PCDH11Y: variants seen among roughly 807,000 people sequenced by gnomAD.
PCDH11Y encodes protocadherin 11 Y-linked, also known as protocadherin-11 Y-linked.
For missense variants in PCDH11Y, 12 were observed against 224.8 expected, an observed-to-expected ratio of 0.05 and a Z score of 6.05; for synonymous variants, 9 against 83.6, an observed-to-expected ratio of 0.11 and a Z score of 4.87.
At chrY:5,679,005 G>T (rs2053555871) in intron 4 of PCDH11Y, among the ~76,000 whole-genome samples, 1 of 32,432 alleles carries the variant, frequency 3.1e-5, no homozygotes. Context: ...TTCTCAGCAA[G>T]CCTTGCCATC....
chrY:5,403,851 G>C, intron 2 of PCDH11Y, among the ~76,000 whole-genome samples: 1 of 33,139 alleles, frequency 3.0e-5, no homozygotes, highest in South Asian at 6.5e-4. Flanking sequence ...TAAGGGCTGA[G>C]TACTATTGGG....
intron 4 of PCDH11Y, among the ~76,000 whole-genome samples, chrY:5,669,428 T>C (rs2053547440): frequency 9.6e-4 from 31 of 32,173 alleles, no homozygotes; most frequent in Admixed American, 2.9e-3. Context: ...TATTAATCCT[T>C]TGTGCCTGGT....
At chrY:5,223,376 G>A in intron 2 of PCDH11Y, among the ~76,000 whole-genome samples, 1 of 33,330 alleles carries the variant, frequency 3.0e-5, no homozygotes, top group African/African-American at 1.2e-4. Context: ...TCACTATGCC[G>A]AATACAGTAG....
rs2563650 is a variant in PCDH11Y, at chrY:5,031,786, G to A, written c.-133-120G>A. Reference sequence around the variant, plus strand: ...TTTAACCTTTTCTTGATTTGTAGCCGTTACAGCTAATTGGAGGATCCTGCC... The same window carrying A: ...TTTAACCTTTTCTTGATTTGTAGCCATTACAGCTAATTGGAGGATCCTGCC... On this transcript the variant is annotated intron_variant, in intron 1 of 5. Coordinates refer to the PCDH11Y transcript ENST00000333703. 2.3e-3 allele frequency: 78 copies of A among 33,219 alleles called. No individual in the cohort carries two copies. The Middle Eastern group carries it at 0.042, about 18-fold the overall frequency. The allele number at this position is 33,219 out of a possible 400,897, so 8.3% of individuals were successfully genotyped here.
chrY:5,505,433 A>G, intron 3 of PCDH11Y, among the ~76,000 whole-genome samples: 1 of 33,037 alleles, frequency 3.0e-5, no homozygotes, highest in Non-Finnish European at 7.6e-5. Flanking sequence ...TCTAGTGTCC[A>G]GCATTGAATC....
intron 1 of PCDH11Y, among the ~76,000 whole-genome samples, chrY:5,024,666 C>A (rs2052576102): frequency 6.1e-5 from 2 of 32,823 alleles, no homozygotes; most frequent in Non-Finnish European, 1.5e-4. Context: ...ATTGTGTCTG[C>A]AATTTAATAT....
At chrY:5,334,979 T>C in intron 2 of PCDH11Y, among the ~76,000 whole-genome samples, 1 of 30,147 alleles carries the variant, frequency 3.3e-5, no homozygotes, top group Non-Finnish European at 7.9e-5. Flanking sequence ...TCTACGCCTT[T>C]CTCCAAAGAT....
chrY:5,604,460 T>C, intron 4 of PCDH11Y, among the ~76,000 whole-genome samples: 2 of 32,504 alleles, frequency 6.2e-5, no homozygotes, highest in African/African-American at 2.4e-4. Flanking sequence ...AGAAGTGAAA[T>C]TGAGCAAGTA....
intron 2 of PCDH11Y, among the ~76,000 whole-genome samples, chrY:5,134,858 C>T: frequency 3.2e-5 from 1 of 31,351 alleles, no homozygotes; most frequent in Non-Finnish European, 7.7e-5. Context: ...CCCACAGGAA[C>T]ATACCAGGAA....
At chrY:5,562,697 C>T in intron 3 of PCDH11Y, among the ~76,000 whole-genome samples, 2 of 22,298 alleles carry the variant, frequency 9.0e-5, no homozygotes, top group Non-Finnish European at 1.9e-4. Flanking sequence ...GGAAGCGGAG[C>T]TTGCAGTGAG....
chrY:5,330,189 G>A, intron 2 of PCDH11Y, among the ~76,000 whole-genome samples: 1 of 32,536 alleles, frequency 3.1e-5, no homozygotes, highest in Admixed American at 2.8e-4. Context: ...GTCGCAAGGT[G>A]CTCAGTGGGG....
intron 2 of PCDH11Y, among the ~76,000 whole-genome samples, chrY:5,114,752 A>C (rs2124639286): frequency 3.1e-5 from 1 of 32,115 alleles, no homozygotes; most frequent in South Asian, 7.1e-4. Context: ...ACACAATTTT[A>C]ATACCAGAGA....
At chrY:5,417,966 C>T in intron 2 of PCDH11Y, among the ~76,000 whole-genome samples, 6 of 33,487 alleles carry the variant, frequency 1.8e-4, no homozygotes, top group Non-Finnish European at 3.7e-4. Flanking sequence ...GTTTACGAAG[C>T]GATATCTGTC....
chrY:5,108,710 G>A, downstream of PCDH11Y, among the ~76,000 whole-genome samples: 3 of 20,660 alleles, frequency 1.5e-4, no homozygotes, highest in Non-Finnish European at 3.0e-4. Flanking sequence ...TGGCGCCACT[G>A]CACTCCAGCC....
intron 4 of PCDH11Y, among the ~76,000 whole-genome samples, chrY:5,653,872 G>T: frequency 3.1e-5 from 1 of 32,276 alleles, no homozygotes; most frequent in African/African-American, 1.2e-4. Flanking sequence ...GAAAGGTCAG[G>T]TTACCCACAA....
chrY:5,257,087 A>G, intron 2 of PCDH11Y, among the ~76,000 whole-genome samples: 2 of 33,181 alleles, frequency 6.0e-5, no homozygotes, highest in African/African-American at 1.2e-4. Flanking sequence ...TTGAATAACA[A>G]TGGTTAAAGT....
intron 4 of PCDH11Y, among the ~76,000 whole-genome samples, chrY:5,637,205 A>C: frequency 5.9e-5 from 2 of 33,724 alleles, no homozygotes; most frequent in South Asian, 6.5e-4. Flanking sequence ...CTAAGATGAT[A>C]GATTAATCTC....
intron 2 of PCDH11Y, among the ~76,000 whole-genome samples, chrY:5,244,504 C>T (rs2124655961): frequency 6.0e-5 from 2 of 33,505 alleles, no homozygotes; most frequent in South Asian, 6.6e-4. Context: ...TGTGGTTTGA[C>T]GGCCCACCCA....
intron 4 of PCDH11Y, among the ~76,000 whole-genome samples, chrY:5,589,416 A>T: frequency 3.0e-5 from 1 of 33,368 alleles, no homozygotes; most frequent in Non-Finnish European, 7.4e-5. Flanking sequence ...ACTGTGGTTA[A>T]ACTTCTGTTA....
Sources: gnomAD v4.1 joint callset for allele counts (sites outside exome capture counted in the v4.1 genomes callset) on GRCh38, gnomAD v4.1.1 for gene constraint, MANE v1.5 for transcripts, NCBI Gene and HGNC (gene_info 2026-07-23, HGNC 2026-07-21) for gene names.